C8orf34: variants seen among roughly 807,000 people sequenced by gnomAD.
C8orf34 encodes uncharacterized protein C8orf34.
A neutral mutation model predicts 68.3 loss-of-function variants in C8orf34; 65 were observed. That is an observed-to-expected ratio of 0.95 (90% CI 0.78 to 1.17). C8orf34 has a LOEUF of 1.17. Ranked by LOEUF, C8orf34 falls within the 50% of genes most tolerant of loss-of-function variation. The pLI is 0.00. For synonymous variants in C8orf34, 244 were observed against 241.2 expected, an observed-to-expected ratio of 1.01 and a Z score of -0.11; for missense variants, 664 against 655.4, an observed-to-expected ratio of 1.01 and a Z score of -0.14.
chr8:68,560,745 A>G (rs1816398517), intron 7 of C8orf34, among the ~76,000 whole-genome samples: 1 of 152,176 alleles, frequency 6.6e-6, no homozygotes, highest in Admixed American at 6.5e-5. Context: ...GTACTCCTGT[A>G]CAGGACACTT....
intron 7 of C8orf34, among the ~76,000 whole-genome samples, chr8:68,601,141 A>G (rs866767874): frequency 6.6e-6 from 1 of 152,128 alleles, no homozygotes; most frequent in African/African-American, 2.4e-5. Context: ...TTCCCTATAA[A>G]TCATGCGCTG....
chr8:68,433,145 G>A (rs1563434409), intron 1 of C8orf34, among the ~76,000 whole-genome samples: 2 of 152,128 alleles, frequency 1.3e-5, no homozygotes, highest in African/African-American at 4.8e-5. Context: ...GGTGGTGGGG[G>A]TGAATGTTTG....
rs1344573894 is a variant in C8orf34, at chr8:68,774,354, A to ATATATAT, written c.1405-2045_1405-2044insTATATAT. Reference sequence around the variant, plus strand: ...GTGTATATATATATATATATAAAATAAACAAAAAAATAAACAGTTTATCTG... The same window carrying ATATATAT: ...GTGTATATATATATATATATAAAATATATATATAACAAAAAAATAAACAGTTTATCTG... On this transcript the variant is annotated intron_variant, in intron 10 of 13. Transcript: ENST00000518698. Among the ~76,000 whole-genome samples the ATATATAT allele has an allele frequency of 9.3e-4, 103 of 111,318 alleles. 1 individual carries two copies. The highest frequency in any genetic ancestry group is 5.2e-3 in the African/African-American group (94 of 17,918). 73.0% of individuals were successfully genotyped at this position (111,318 alleles called of 152,430 possible).
intron 1 of C8orf34, among the ~76,000 whole-genome samples, chr8:68,382,934 C>A (rs946852948): frequency 6.6e-6 from 1 of 152,270 alleles, no homozygotes; most frequent in East Asian, 1.9e-4. Flanking sequence ...CAGTTTCATC[C>A]TCCTGGGAGA....
chr8:68,716,339 G>T (rs1269088225), intron 9 of C8orf34, among the ~76,000 whole-genome samples: 1 of 151,864 alleles, frequency 6.6e-6, no homozygotes, highest in African/African-American at 2.4e-5. Flanking sequence ...AAAAACAGAT[G>T]CCCAAAGAAA....
intron 5 of C8orf34, among the ~76,000 whole-genome samples, chr8:68,520,753 G>A (rs963251708): frequency 2.6e-5 from 4 of 151,908 alleles, no homozygotes; most frequent in Admixed American, 2.6e-4. Context: ...GTGAGCCACC[G>A]CGCCCAGCCC....
chr8:68,397,188 T>G (rs1227860708), intron 1 of C8orf34, among the ~76,000 whole-genome samples: 2 of 151,918 alleles, frequency 1.3e-5, no homozygotes, highest in Non-Finnish European at 2.9e-5. Context: ...GTATTTTTAT[T>G]AGAGACAAGG....
intron 1 of C8orf34, among the ~76,000 whole-genome samples, chr8:68,374,120 T>C (rs1807686939): frequency 6.6e-6 from 1 of 152,154 alleles, no homozygotes; most frequent in Non-Finnish European, 1.5e-5. Flanking sequence ...TCGCTATTTT[T>C]CCCAGGATGG....
chr8:68,688,369 A>G (rs1820585328), intron 8 of C8orf34, among the ~76,000 whole-genome samples: 1 of 152,200 alleles, frequency 6.6e-6, no homozygotes, highest in South Asian at 2.1e-4. Flanking sequence ...CCCATCTACC[A>G]ATGAATGGAT....
intron 1 of C8orf34, among the ~76,000 whole-genome samples, chr8:68,399,011 G>A (rs945877960): frequency 6.6e-5 from 10 of 151,880 alleles, no homozygotes; most frequent in African/African-American, 2.4e-4. Flanking sequence ...TTCGAACAAG[G>A]GACCTCCCAT....
intron 1 of C8orf34, among the ~76,000 whole-genome samples, chr8:68,358,434 T>C (rs1002345258): frequency 6.6e-6 from 1 of 151,592 alleles, no homozygotes; most frequent in African/African-American, 2.4e-5. Flanking sequence ...ATATACTAGA[T>C]AGACCCGCAC....
rs544646215 is a variant in C8orf34, at chr8:68,785,623, CA to C, written c.1456-1819del. Reference sequence around the variant, plus strand: ...GTGAGGTTGTTTCATACATCTGTAACACATTTATGTTCTTTCTTTTTTGATA... The same window carrying C: ...GTGAGGTTGTTTCATACATCTGTAACCATTTATGTTCTTTCTTTTTTGATA... On this transcript the variant is annotated intron_variant, in intron 11 of 13. Transcript: ENST00000518698. 4.0e-3 allele frequency among the ~76,000 whole-genome samples: 603 copies of C among 152,312 alleles called. 4 individuals are homozygous for C. The highest frequency in any genetic ancestry group is 0.012 in the African/African-American group (509 of 41,580).
chr8:68,397,373 C>T (rs1174726642), intron 1 of C8orf34, among the ~76,000 whole-genome samples: 6 of 152,082 alleles, frequency 3.9e-5, no homozygotes, highest in East Asian at 1.9e-4. Context: ...TTTTCCTAAA[C>T]GCTATCCTAA....
intron 1 of C8orf34, among the ~76,000 whole-genome samples, chr8:68,413,140 C>A (rs189328657): frequency 4.6e-5 from 7 of 152,288 alleles, no homozygotes; most frequent in Admixed American, 4.6e-4. Flanking sequence ...TCTCAAGTGG[C>A]CAGACAATCA....
At chr8:68,350,086 T>A (rs1806447893) in intron 1 of C8orf34, among the ~76,000 whole-genome samples, 1 of 151,980 alleles carries the variant, frequency 6.6e-6, no homozygotes, top group Non-Finnish European at 1.5e-5. Flanking sequence ...TTTCCAATTT[T>A]TTGATGTGGA....
intron 12 of C8orf34, chr8:68,791,356 T>C (rs1359301506): frequency 6.2e-6 from 1 of 160,292 alleles, no homozygotes; most frequent in African/African-American, 2.4e-5. Context: ...GCCCCCATGA[T>C]CCAACTACCT....
chr8:68,417,041 G>A (rs1318866712), intron 1 of C8orf34, among the ~76,000 whole-genome samples: 2 of 152,032 alleles, frequency 1.3e-5, no homozygotes, highest in Non-Finnish European at 2.9e-5. Flanking sequence ...CTTCTCTCTT[G>A]ATAAAAATGA....
chr8:68,371,230 A>G (rs1391018120), intron 1 of C8orf34, among the ~76,000 whole-genome samples: 1 of 152,214 alleles, frequency 6.6e-6, no homozygotes, highest in Non-Finnish European at 1.5e-5. Context: ...CATAACTTTT[A>G]TATTTGGGAA....
intron 8 of C8orf34, among the ~76,000 whole-genome samples, chr8:68,656,115 G>T (rs1001606236): frequency 1.3e-5 from 2 of 152,148 alleles, no homozygotes; most frequent in African/African-American, 4.8e-5. Context: ...GTGCCTACCA[G>T]AAATCAGGTA....
Sources: gnomAD v4.1 joint callset for allele counts (sites outside exome capture counted in the v4.1 genomes callset) on GRCh38, gnomAD v4.1.1 for gene constraint, MANE v1.5 for transcripts, NCBI Gene and HGNC (gene_info 2026-07-23, HGNC 2026-07-21) for gene names.